RABGEF1: variants seen among roughly 807,000 people sequenced by gnomAD.
The protein encoded by RABGEF1 is rab5 GDP/GTP exchange factor.
RABGEF1 carries 26 observed loss-of-function variants against 57.3 expected under a neutral mutation model. The ratio of observed to expected loss-of-function variants is 0.45; its 90% CI spans 0.33 to 0.63. The LOEUF is 0.63. RABGEF1 is among the 20% of genes least tolerant of loss of function. The pLI is 0.02. For missense variants in RABGEF1, 464 were observed against 607.6 expected (o/e 0.76, Z 2.48); for synonymous variants, 185 against 210.7 (o/e 0.88, Z 1.06).
chr7:66,697,105 CATG>C (rs1792466685), intron 1 of RABGEF1, among the ~76,000 whole-genome samples: 1 of 152,162 alleles, frequency 6.6e-6, no homozygotes, highest in Non-Finnish European at 1.5e-5. Flanking sequence ...GAAGCACAGT[CATG>C]GTGGTGAGGG....
intron 8 of RABGEF1, among the ~76,000 whole-genome samples, chr7:66,806,337 CTCT>C (rs1788431066): frequency 6.6e-6 from 1 of 152,178 alleles, no homozygotes; most frequent in Non-Finnish European, 1.5e-5. Flanking sequence ...GTATTTGTCA[CTCT>C]TCTTCCTTTT....
At chr7:66,746,853 T>C (rs1268671919) in intron 1 of RABGEF1, among the ~76,000 whole-genome samples, 1 of 151,762 alleles carries the variant, frequency 6.6e-6, no homozygotes, top group Non-Finnish European at 1.5e-5. Flanking sequence ...AGTGCAATAG[T>C]GCGATCTTGG....
chr7:66,712,636 A>T (rs1455454660), intron 2 of RABGEF1, among the ~76,000 whole-genome samples: 3 of 150,942 alleles, frequency 2.0e-5, no homozygotes, highest in African/African-American at 4.9e-5. Flanking sequence ...TCACCCAGCC[A>T]ATTTTTTGTA....
At chr7:66,740,944 T>C (rs557080998) in intron 1 of RABGEF1, among the ~76,000 whole-genome samples, 152 bp downstream of exon 1, 1 of 152,002 alleles carries the variant, frequency 6.6e-6, no homozygotes, top group Non-Finnish European at 1.5e-5. Flanking sequence ...CCGCTGTCCT[T>C]CGTCCCACAT....
chr7:66,802,762 T>C (rs1439133098), intron 7 of RABGEF1, among the ~76,000 whole-genome samples: 16 of 152,208 alleles, frequency 1.1e-4, no homozygotes, highest in Admixed American at 9.8e-4. Context: ...TTATTCTCCT[T>C]TTCCTTCCCT....
chr7:66,733,814 T>C (rs1797619168), intron 2 of RABGEF1, among the ~76,000 whole-genome samples: 1 of 152,054 alleles, frequency 6.6e-6, no homozygotes, highest in Admixed American at 6.6e-5. Context: ...ACCAGCCCAG[T>C]GAACATAGTG....
intron 3 of RABGEF1, 60 bp from the exon 4 acceptor site, chr7:66,783,615 G>A: frequency 7.1e-7 from 1 of 1,404,490 alleles, no homozygotes; most frequent in South Asian, 1.6e-5. Flanking sequence ...GATACTTAAA[G>A]TAATTCCATG....
intron 1 of RABGEF1, among the ~76,000 whole-genome samples, chr7:66,682,830 C>T (rs1017414324): frequency 8.5e-5 from 13 of 152,164 alleles, no homozygotes; most frequent in African/African-American, 2.7e-4. Flanking sequence ...GCTGCGGGGC[C>T]GGGGTTAGGA....
intron 2 of RABGEF1, among the ~76,000 whole-genome samples, chr7:66,773,006 A>G (rs972517841): frequency 2.6e-5 from 4 of 152,066 alleles, no homozygotes; most frequent in African/African-American, 4.8e-5. Context: ...TCTTTGCCAG[A>G]GCATTCTAGA....
intron 1 of RABGEF1, among the ~76,000 whole-genome samples, chr7:66,699,699 AAAAAC>A (rs886259402): frequency 4.0e-5 from 6 of 151,880 alleles, no homozygotes; most frequent in African/African-American, 1.4e-4. Flanking sequence ...CTCAAAAAAA[AAAAAC>A]AAAACTGGTG....
At chr7:66,747,191 T>C (rs1434578041) in intron 1 of RABGEF1, among the ~76,000 whole-genome samples, 2 of 152,212 alleles carry the variant, frequency 1.3e-5, no homozygotes, top group African/African-American at 2.4e-5. Context: ...TAATTAAATG[T>C]GGTTAAAAGT....
At chr7:66,776,650 G>A (rs1208017445) in intron 3 of RABGEF1, among the ~76,000 whole-genome samples, 7 of 152,280 alleles carry the variant, frequency 4.6e-5, no homozygotes, top group Non-Finnish European at 7.4e-5. Flanking sequence ...AGCCGAAATC[G>A]TGCCATTGCA....
chr7:66,733,239 A>C (rs1437021149), intron 2 of RABGEF1, among the ~76,000 whole-genome samples: 1 of 152,004 alleles, frequency 6.6e-6, no homozygotes, highest in Non-Finnish European at 1.5e-5. Flanking sequence ...CCCCATCTCC[A>C]TGAAGTGTCC....
intron 1 of RABGEF1, among the ~76,000 whole-genome samples, chr7:66,690,581 G>A (rs1178199537): frequency 6.6e-6 from 1 of 151,214 alleles, no homozygotes; most frequent in Non-Finnish European, 1.5e-5. Context: ...TGGGTGTGGT[G>A]TTACATGCCT....
rs745374074 is a variant in RABGEF1, at chr7:66,799,413, A to G, written c.819A>G (p.Thr273=). The G allele has an allele frequency of 1.4e-5, 22 of 1,595,882 alleles. No homozygotes were observed. Among genetic ancestry groups the G allele is most frequent in the Non-Finnish European group, 1.7e-5 (20 of 1,163,746 alleles). Residue 273 remains threonine, a splice_region_variant and synonymous_variant, in exon 7 of 9, where the codon ACA becomes ACG. Transcript: ENST00000284957. The part of the protein sequence containing the change: ...EVSDMVVKAI[T]DIIEMDSKRV... ...CTGATATGGTGGTGAAGGCGATCAC[A>G]GGTCAGTGAAACCAAGAGCCTTTTT...
upstream of RABGEF1, among the ~76,000 whole-genome samples, chr7:66,680,586 C>T (rs1333974378): frequency 1.3e-5 from 2 of 151,918 alleles, no homozygotes; most frequent in Admixed American, 1.3e-4. Flanking sequence ...GCCTAGCACA[C>T]ATTAGGCACC....
At chr7:66,786,578 A>AG in intron 4 of RABGEF1, among the ~76,000 whole-genome samples, 1 of 151,938 alleles carries the variant, frequency 6.6e-6, no homozygotes, top group South Asian at 2.1e-4. Flanking sequence ...TGAGTTTTTT[A>AG]TTTTTTGTAG....
At chr7:66,751,024 CT>C (rs1194386425) in intron 1 of RABGEF1, among the ~76,000 whole-genome samples, 6 of 142,098 alleles carry the variant, frequency 4.2e-5, no homozygotes, top group African/African-American at 7.6e-5. Flanking sequence ...TGTTTTCCCT[CT>C]TTTTTTCTTT....
upstream of RABGEF1, among the ~76,000 whole-genome samples, chr7:66,737,342 T>C (rs1798113660): frequency 6.6e-6 from 1 of 152,064 alleles, no homozygotes; most frequent in Non-Finnish European, 1.5e-5. Context: ...ACATCCTTAA[T>C]CTCCTGGCTC....
Sources: gnomAD v4.1 joint callset for allele counts (sites outside exome capture counted in the v4.1 genomes callset) on GRCh38, gnomAD v4.1.1 for gene constraint, MANE v1.5 for transcripts, NCBI Gene and HGNC (gene_info 2026-07-23, HGNC 2026-07-21) for gene names.